Variants in EIF2AK4 observed in about 807,000 individuals in gnomAD.
EIF2AK4 encodes the protein eIF-2-alpha kinase GCN2.
A neutral mutation model predicts 211.1 loss-of-function variants in EIF2AK4; 139 were observed. The ratio of observed to expected loss-of-function variants is 0.66; its 90% CI spans 0.57 to 0.76. EIF2AK4 has a LOEUF of 0.76. EIF2AK4 is among the 30% of genes least tolerant of loss of function. The probability of loss-of-function intolerance (pLI) is 0.00; values close to 1 mark genes in which losing one functional copy is unlikely to be tolerated. For missense variants in EIF2AK4, 1,664 were observed against 2,043.8 expected, an observed-to-expected ratio of 0.81 and a Z score of 3.58; for synonymous variants, 710 against 751.3, an observed-to-expected ratio of 0.94 and a Z score of 0.90.
At position 39,976,381 on chromosome 15, in the gene EIF2AK4, C is replaced by T. The variant is rs763629210; in HGVS notation, c.1819-33C>T. 9 of 1,556,166 alleles carry T rather than the reference C, an allele frequency of 5.8e-6. No homozygotes were observed. In the East Asian group the frequency reaches 1.2e-4, roughly 20 times the overall value. On this transcript the variant is annotated intron_variant, in intron 11 of 38. Coordinates refer to ENST00000263791, the MANE Select transcript of EIF2AK4 (RefSeq NM_001013703.4). Reference sequence around the variant, plus strand: ...GCAAATGCCTGTTTGTGCAAGGCTCCGAGCGGCTGACCTTCCCCTGGCTGT... The same window carrying T: ...GCAAATGCCTGTTTGTGCAAGGCTCTGAGCGGCTGACCTTCCCCTGGCTGT...
chr15:39,995,821 C>T (rs183414977), intron 18 of EIF2AK4, among the ~76,000 whole-genome samples: 191 of 152,228 alleles, frequency 1.3e-3, no homozygotes, highest in Non-Finnish European at 2.3e-3. Flanking sequence ...CGAAGCTGAC[C>T]GACATACCCA....
At chr15:39,972,483 T>G (rs1315971832) in intron 9 of EIF2AK4, among the ~76,000 whole-genome samples, 2 of 152,196 alleles carry the variant, frequency 1.3e-5, no homozygotes, top group Admixed American at 6.5e-5. Context: ...AAGCTCGTCA[T>G]ACTGAGCCAC....
At position 39,976,599 on chromosome 15, in the gene EIF2AK4, G is replaced by A. The variant is rs369170504; in HGVS notation, c.2004G>A (p.Pro668=). The A allele has an allele frequency of 3.6e-5, 58 of 1,608,824 alleles. No individual in the cohort carries two copies. In the African/African-American group the frequency reaches 6.8e-4, roughly 19 times the overall value. Residue 668 remains proline, a synonymous_variant, in exon 12 of 39, where the codon CCG becomes CCA. Transcript: ENST00000263791. ...RHERPAGPGT[P]PPDSGPLAKD... is the part of the protein sequence containing the mutation. ...AGCGGCCGGCGGGACCGGGGACGCC[G>A]CCCCCGGACTCCGGGCCCCTGGCCA...
At chr15:39,973,864 G>A in intron 11 of EIF2AK4, 115 bp downstream of exon 11, 1 of 1,180,852 alleles carries the variant, frequency 8.5e-7, no homozygotes, top group Non-Finnish European at 1.2e-6. Flanking sequence ...GAATATGGCT[G>A]TTGGATACTA....
rs555778105 is a variant in EIF2AK4, at chr15:40,033,895, G to A, written c.4774-431G>A. Among the ~76,000 whole-genome samples the A allele has an allele frequency of 2.0e-4, 30 of 152,170 alleles. No individual in the cohort carries two copies. In the South Asian group the frequency reaches 3.7e-3, roughly 19 times the overall value. On this transcript the variant is annotated intron_variant, in intron 37 of 38. Transcript: ENST00000263791. The stretch of plus-strand genomic sequence containing the variant: ...TACAAAAAATTAGCCGGGCGTAGTG[G>A]CAGGCGCCTGTAATCCCAGCTACTT...
At chr15:39,935,118 C>G (rs866126304) in intron 1 of EIF2AK4, among the ~76,000 whole-genome samples, 61 of 152,168 alleles carry the variant, frequency 4.0e-4, no homozygotes, top group African/African-American at 1.4e-3. Context: ...ACATTCAAAG[C>G]GGCCCATGGG....
rs529336501 is a variant in EIF2AK4 at position 40,035,391 on chromosome 15, C to T, written c.*307C>T. On this transcript the variant is annotated 3_prime_UTR_variant, in exon 39 of 39. Coordinates refer to ENST00000263791, the MANE Select transcript of EIF2AK4 (RefSeq NM_001013703.4). ...AGGCTGAGATGGATCATCTGAGCCT[C>T]AGGAGGTTGAGGCTGCAGTGAGCTG... The T allele has an allele frequency of 5.4e-6, 1 of 183,860 alleles. No homozygotes were observed. Among genetic ancestry groups the T allele is most frequent in the East Asian group, 1.4e-4 (1 of 7,010 alleles). 11.4% of individuals were successfully genotyped at this position (183,860 alleles called of 1,614,324 possible).
Position 40,017,504 on chromosome 15 carries a change from TATATATATATATATATATATATATATATA to T in EIF2AK4, c.4065+263_4065+291del, listed in dbSNP as rs1567006779. On this transcript the variant is annotated intron_variant, in intron 29 of 38. Coordinates refer to ENST00000263791, the MANE Select transcript of EIF2AK4 (RefSeq NM_001013703.4). ...TCATGTACCCTTTACTCTGTTTCTA[TATATATATATATATATATATATATATATA>T]TATATATATATATATATATATGTAT... Among the ~76,000 whole-genome samples, 3,063 of 81,066 alleles carry T rather than the reference TATATATATATATATATATATATATATATA, an allele frequency of 0.038. 500 individuals are homozygous for T. The highest frequency in any genetic ancestry group is 0.14 in the African/African-American group (2,913 of 21,318). 53.2% of individuals were successfully genotyped at this position (81,066 alleles called of 152,430 possible).
intron 3 of EIF2AK4, chr15:39,946,972 T>C (rs1290802649): frequency 4.9e-5 from 11 of 224,790 alleles, no homozygotes; most frequent in South Asian, 2.5e-4. Flanking sequence ...AACTTTTATA[T>C]GCACTGGGAA....
At chr15:39,992,708 A>G (rs1181087219) in intron 17 of EIF2AK4, 61 bp from the exon 18 acceptor site, 3 of 1,454,438 alleles carry the variant, frequency 2.1e-6, no homozygotes, top group Non-Finnish European at 2.9e-6. Flanking sequence ...TTTTGTTTTT[A>G]GTTTGTGTCT....
At chr15:39,987,522 C>T (rs938751535) in intron 14 of EIF2AK4, among the ~76,000 whole-genome samples, 1 of 151,974 alleles carries the variant, frequency 6.6e-6, no homozygotes, top group African/African-American at 2.4e-5. Context: ...TGTCACTGTC[C>T]CAAGAAGACT....
intron 20 of EIF2AK4, 42 bp from the exon 21 acceptor site, chr15:40,000,946 T>C: frequency 6.3e-7 from 1 of 1,590,136 alleles, no homozygotes; most frequent in Non-Finnish European, 8.6e-7. Context: ...CTGAGCATTA[T>C]CCATTGCATC....
chr15:39,980,217 A>G lies in EIF2AK4; in HGVS notation c.2319+2070A>G, dbSNP rs150524887. On this transcript the variant is annotated intron_variant, in intron 13 of 38. Transcript: ENST00000263791. ...AGCTACCTCATAGGAACTGAAATAG[A>G]CGTACGCTTACCCTTTCTCTGAAGT... Among the ~76,000 whole-genome samples the G allele has an allele frequency of 9.8e-5, 15 of 152,344 alleles. No homozygotes were observed. The East Asian group carries it at 2.9e-3, about 29-fold the overall frequency.
intron 1 of EIF2AK4, among the ~76,000 whole-genome samples, chr15:39,938,020 C>T: frequency 6.6e-6 from 1 of 152,194 alleles, no homozygotes; most frequent in East Asian, 1.9e-4. Context: ...TCAGATAGTT[C>T]TTCTTTGATA....
At chr15:40,011,825 T>A (rs995309574) in intron 27 of EIF2AK4, among the ~76,000 whole-genome samples, 8 of 152,202 alleles carry the variant, frequency 5.3e-5, no homozygotes, top group Non-Finnish European at 1.2e-4. Flanking sequence ...TCTCTTAATC[T>A]TAAAATCTTA....
intron 8 of EIF2AK4, among the ~76,000 whole-genome samples, chr15:39,966,126 C>T (rs998558148): frequency 6.6e-6 from 1 of 152,144 alleles, no homozygotes; most frequent in Non-Finnish European, 1.5e-5. Flanking sequence ...GGACTAAATA[C>T]TAGTTCATAA....
intron 13 of EIF2AK4, 129 bp downstream of exon 13, chr15:39,978,276 T>A: frequency 2.3e-6 from 1 of 443,336 alleles, no homozygotes; most frequent in Non-Finnish European, 3.9e-6. Context: ...TTTTAAAAGA[T>A]GATTATTCAT....
chr15:39,962,132 G>C (rs991941722), intron 7 of EIF2AK4, among the ~76,000 whole-genome samples: 5 of 152,154 alleles, frequency 3.3e-5, no homozygotes, highest in Admixed American at 2.0e-4. Context: ...CCGTGGCTAT[G>C]CCTATAATCC....
intron 19 of EIF2AK4, among the ~76,000 whole-genome samples, chr15:39,998,049 G>C (rs370475666): frequency 3.1e-4 from 47 of 152,288 alleles, no homozygotes; most frequent in African/African-American, 9.9e-4. Flanking sequence ...TGTGAGTACA[G>C]TGTGGACAGC....
Sources: allele counts gnomAD v4.1 joint callset (sites outside exome capture counted in the v4.1 genomes callset), GRCh38; gene constraint gnomAD v4.1.1; transcripts MANE v1.5; gene names NCBI Gene and HGNC (gene_info 2026-07-23, HGNC 2026-07-21).